Variants in ATP2A2 observed in about 807,000 individuals in gnomAD.
ATP2A2 encodes the protein sarcoplasmic/endoplasmic reticulum calcium ATPase 2.
ATP2A2 carries 14 observed loss-of-function variants against 109.3 expected under a neutral mutation model. The ratio of observed to expected loss-of-function variants is 0.13; its 90% confidence interval spans 0.08 to 0.20. ATP2A2 has a LOEUF of 0.20. Ranked by LOEUF, ATP2A2 falls within the 10% of genes least tolerant of loss-of-function variation. The pLI, the probability that ATP2A2 is intolerant of heterozygous loss-of-function variation, is 1.00. For missense variants in ATP2A2, 657 were observed against 1,321.6 expected (o/e 0.50, Z 7.80); for synonymous variants, 506 against 490.9 (o/e 1.03, Z -0.41).
intron 8 of ATP2A2, among the ~76,000 whole-genome samples, chr12:110,328,451 C>T (rs559716149): frequency 3.3e-5 from 5 of 152,194 alleles, no homozygotes; most frequent in Admixed American, 2.0e-4. Flanking sequence ...CACCTGTAGT[C>T]CCAGCTACTC....
intron 1 of ATP2A2, 64 bp downstream of exon 1, chr12:110,281,971 A>C: frequency 7.6e-7 from 1 of 1,313,696 alleles, no homozygotes; most frequent in Non-Finnish European, 1.0e-6. Context: ...AAGATGGCTG[A>C]CCGGGCTCCA....
chr12:110,294,597 C>T (rs1221070379), intron 4 of ATP2A2, among the ~76,000 whole-genome samples: 3 of 151,758 alleles, frequency 2.0e-5, no homozygotes, highest in Non-Finnish European at 2.9e-5. Context: ...TGCAGTGAGC[C>T]GAGATGATGC....
chr12:110,288,625 G>A (rs1328997080), intron 3 of ATP2A2, among the ~76,000 whole-genome samples: 1 of 152,010 alleles, frequency 6.6e-6, no homozygotes, highest in Non-Finnish European at 1.5e-5. Context: ...GGCTGGTCTT[G>A]AACTCCTGAC....
Position 110,348,254 on chromosome 12 carries a change from T to TC in ATP2A2, c.*1788dup. 1 of 985,166 alleles carries TC rather than the reference T, an allele frequency of 1.0e-6. No individual in the cohort carries two copies. Among genetic ancestry groups the TC allele is most frequent in the Non-Finnish European group, 1.2e-6 (1 of 829,898 alleles). The allele number at this position is 985,166 out of a possible 1,614,324, so 61.0% of individuals were successfully genotyped here. Reference sequence around the variant, plus strand: ...ATAGGTTCGTCTTAAATAGGCCACTTCCCCACTCCCCCACCCCCCCTTGCT... The same window carrying TC: ...ATAGGTTCGTCTTAAATAGGCCACTTCCCCCACTCCCCCACCCCCCCTTGCT... On this transcript the variant is annotated 3_prime_UTR_variant, in exon 20 of 20. Transcript: ENST00000539276.
At chr12:110,308,822 T>C (rs977185430) in intron 5 of ATP2A2, among the ~76,000 whole-genome samples, 2 of 152,258 alleles carry the variant, frequency 1.3e-5, no homozygotes, top group African/African-American at 4.8e-5. Context: ...TTAGACATGG[T>C]GACTTTTATA....
rs1223207569 is a variant in ATP2A2 at position 110,344,958 on chromosome 12, C to T, written c.2594C>T (p.Ser865Phe). The T allele has an allele frequency of 6.2e-7, 1 of 1,614,040 alleles. No individual in the cohort carries two copies. The highest frequency in any genetic ancestry group is 8.5e-7 in the Non-Finnish European group (1 of 1,179,998). Residue 865 changes from serine (S) to phenylalanine (F), a missense_variant, in exon 17 of 20, where the codon TCC becomes TTC. Transcript: ENST00000539276. The part of the protein sequence containing the change: ...FIAADGGPRV[S>F]FYQLSHFLQC... Reference sequence around the variant, plus strand: ...GCTGCTGACGGTGGTCCAAGAGTGTCCTTCTACCAGCTGGTACTCAGTCAC... The same window carrying T: ...GCTGCTGACGGTGGTCCAAGAGTGTTCTTCTACCAGCTGGTACTCAGTCAC...
chr12:110,281,598 AG>A lies in ATP2A2; in HGVS notation c.-188del, dbSNP rs1872089466. The A allele has an allele frequency of 5.7e-6, 2 of 352,980 alleles. No homozygotes were observed. Among genetic ancestry groups the A allele is most frequent in the South Asian group, 1.1e-4 (2 of 17,590 alleles). The allele number at this position is 352,980 out of a possible 1,614,324, so 21.9% of individuals were successfully genotyped here. A position where few individuals can be genotyped will look rare whatever the true frequency, so the allele number is the denominator to read the frequency against. On this transcript the variant is annotated 5_prime_UTR_variant, in exon 1 of 20. Transcript: ENST00000539276. ...GCCCTGCGGAGCTCGGGGCCGCGCG[AG>A]GGGCGGTTGTCTGGGGGAGGGGGCG...
chr12:110,335,982 T>G (rs1878805724), intron 11 of ATP2A2, among the ~76,000 whole-genome samples: 1 of 152,254 alleles, frequency 6.6e-6, no homozygotes, highest in Non-Finnish European at 1.5e-5. Flanking sequence ...ACCCTCTATC[T>G]GCAGTCCAGG....
chr12:110,347,310 T>G lies in ATP2A2; in HGVS notation c.*840T>G. ...TTTTAAAAAAATAAAACATTTTAAA[T>G]GGACAGAGAAAAATAACTGTCTTGT... On this transcript the variant is annotated 3_prime_UTR_variant, in exon 20 of 20. Transcript: ENST00000539276. The G allele has an allele frequency of 7.9e-7, 1 of 1,269,874 alleles. No individual in the cohort carries two copies. The highest frequency in any genetic ancestry group is 1.3e-5 in the South Asian group (1 of 78,532). The allele number at this position is 1,269,874 out of a possible 1,614,324, so 78.7% of individuals were successfully genotyped here.
Position 110,288,611 on chromosome 12 carries a change from G to T in ATP2A2, c.220-3409G>T, listed in dbSNP as rs1316694684. On this transcript the variant is annotated intron_variant, in intron 3 of 19. Transcript: ENST00000539276. ...GTAGAGATGGGTTTTCGCCATGTTG[G>T]TCAGGCTGGTCTTGAACTCCTGACC... Among the ~76,000 whole-genome samples, 12 of 152,110 alleles carry T rather than the reference G, an allele frequency of 7.9e-5. 1 individual carries two copies. The South Asian group carries it at 2.5e-3, about 32-fold the overall frequency.
chr12:110,325,253 T>A (rs978661074), intron 6 of ATP2A2, among the ~76,000 whole-genome samples: 2 of 152,118 alleles, frequency 1.3e-5, no homozygotes, highest in African/African-American at 4.8e-5. Context: ...ATATTGAGAG[T>A]GAAGTTTGCT....
chr12:110,316,781 G>GAA (rs1876710583), intron 5 of ATP2A2, among the ~76,000 whole-genome samples: 1 of 152,170 alleles, frequency 6.6e-6, no homozygotes, highest in African/African-American at 2.4e-5. Flanking sequence ...TATGGGAGAA[G>GAA]AAAGGGTATG....
Position 110,348,510 on chromosome 12 carries a change from C to G in ATP2A2, c.*2040C>G. 1.0e-6 allele frequency: 1 copy of G among 985,532 alleles called. No individual in the cohort carries two copies. Among genetic ancestry groups the G allele is most frequent in the Non-Finnish European group, 1.2e-6 (1 of 830,030 alleles). 61.0% of individuals were successfully genotyped at this position (985,532 alleles called of 1,614,324 possible). ...AGGAGGCATCAAGCAGGACAAGGTGCTGCTGAGTTCAGAGGGCCCACGTTC... is the reference window on the plus strand; with the variant it reads ...AGGAGGCATCAAGCAGGACAAGGTGGTGCTGAGTTCAGAGGGCCCACGTTC... On this transcript the variant is annotated 3_prime_UTR_variant, in exon 20 of 20. Transcript: ENST00000539276.
chr12:110,281,938 C>T lies in ATP2A2; in HGVS notation c.118+31C>T, dbSNP rs776316885. The T allele has an allele frequency of 1.5e-5, 23 of 1,525,942 alleles. 1 individual carries two copies. In the South Asian group the frequency reaches 2.4e-4, roughly 16 times the overall value. 94.5% of individuals were successfully genotyped at this position (1,525,942 alleles called of 1,614,324 possible). ...TGCAGGGCGCTCCGCTGCAGGGGCC[C>T]GGCGCGGCCGGGAGAGCCAGGGAAG... On this transcript the variant is annotated intron_variant, in intron 1 of 19. Coordinates refer to ENST00000539276, the MANE Select transcript of ATP2A2 (RefSeq NM_170665.4).
intron 18 of ATP2A2, 141 bp from the exon 19 acceptor site, chr12:110,345,860 C>G: frequency 3.6e-6 from 3 of 832,444 alleles, no homozygotes; most frequent in Non-Finnish European, 6.1e-6. Context: ...AACTTTGCCA[C>G]TGTAGAAAGT....
chr12:110,345,497 G>A (rs775773963), intron 18 of ATP2A2, 115 bp downstream of exon 18: 1 of 1,496,938 alleles, frequency 6.7e-7, no homozygotes, highest in Admixed American at 1.8e-5. Flanking sequence ...CTTCCCAAAA[G>A]AAAGGAGAAC....
In ATP2A2 at chr12:110,334,017, G is replaced by A. The variant is rs1223533620; in HGVS notation, c.1293G>A (p.Lys431=). The change falls in exon 11 of 20, where the codon AAG becomes AAA. Residue 431 remains lysine (K), a synonymous_variant. Coordinates refer to ENST00000539276, the MANE Select transcript of ATP2A2 (RefSeq NM_170665.4). The stretch of plus-strand genomic sequence containing the variant: ...TGTGCCTTTAACCAATACAGGCAAA[G>A]GGTGTGTATGAAAAAGTTGGAGAAG... ...NDSALDYNEA[K]GVYEKVGEAT... is the part of the protein sequence containing the mutation. 6.2e-7 allele frequency: 1 copy of A among 1,614,132 alleles called. No individual in the cohort carries two copies. Among genetic ancestry groups the A allele is most frequent in the Non-Finnish European group, 8.5e-7 (1 of 1,180,026 alleles).
chr12:110,304,923 A>G (rs1592815016), intron 5 of ATP2A2, among the ~76,000 whole-genome samples: 2 of 151,996 alleles, frequency 1.3e-5, no homozygotes. Flanking sequence ...CTGAGGCAGG[A>G]AAAACCACTT....
intron 11 of ATP2A2, among the ~76,000 whole-genome samples, chr12:110,337,487 A>G (rs1038059633): frequency 1.3e-5 from 2 of 152,214 alleles, no homozygotes; most frequent in Non-Finnish European, 2.9e-5. Flanking sequence ...GATTGAGATG[A>G]TACAGAATCT....
Sources: gnomAD v4.1 joint callset for allele counts (sites outside exome capture counted in the v4.1 genomes callset) on GRCh38, gnomAD v4.1.1 for gene constraint, MANE v1.5 for transcripts, NCBI Gene and HGNC (gene_info 2026-07-23, HGNC 2026-07-21) for gene names.